Variants in DIS3L observed in about 807,000 individuals in gnomAD.
DIS3L encodes the protein DIS3 like exosome 3'-5' exoribonuclease, also known as DIS3-like exonuclease 1.
Under a neutral mutation model 120.3 loss-of-function variants are expected in DIS3L, and 100 were observed. The ratio of observed to expected loss-of-function variants is 0.83; its 90% confidence interval spans 0.71 to 0.98. DIS3L has a LOEUF of 0.98. Ranked by LOEUF, DIS3L falls within the 50% of genes least tolerant of loss-of-function variation. DIS3L has a pLI of 0.00. For missense variants in DIS3L, 1,196 were observed against 1,314.2 expected (o/e 0.91, Z 1.39); for synonymous variants, 426 against 470.6 (o/e 0.91, Z 1.23).
intron 2 of DIS3L, among the ~76,000 whole-genome samples, chr15:66,304,939 T>C (rs977146082): frequency 6.6e-6 from 1 of 150,986 alleles, no homozygotes; most frequent in Middle Eastern, 3.2e-3. Flanking sequence ...TAAGTTGCTA[T>C]TTATGATTCT....
At chr15:66,293,565 G>C (rs943535236), upstream of DIS3L, 2 of 1,408,318 alleles carry the variant, frequency 1.4e-6, no homozygotes, top group African/African-American at 3.0e-5. Flanking sequence ...CGCCGCGCCC[G>C]CCACTCCGCG....
In DIS3L at chr15:66,318,698, A is replaced by C. The variant is rs540703484; in HGVS notation, c.1164+80A>C. 19 of 1,417,610 alleles carry C rather than the reference A, an allele frequency of 1.3e-5. No individual in the cohort carries two copies. The East Asian group carries it at 4.0e-4, about 30-fold the overall frequency. The allele number at this position is 1,417,610 out of a possible 1,614,324, so 87.8% of individuals were successfully genotyped here. A position where few individuals can be genotyped will look rare whatever the true frequency, so the allele number is the denominator to read the frequency against. On this transcript the variant is annotated intron_variant, in intron 8 of 16. Transcript: ENST00000319212. ...TACCAGCTTTTTAGCAGTACCAGAA[A>C]GCATTGTTAATTCCTTTGCATATAA...
chr15:66,307,552 T>G (rs953585917), intron 3 of DIS3L, among the ~76,000 whole-genome samples: 1 of 152,132 alleles, frequency 6.6e-6, no homozygotes, highest in Non-Finnish European at 1.5e-5. Context: ...TCCACTTGTC[T>G]TGGCCTCCCA....
chr15:66,327,425 T>G (rs568351101), intron 12 of DIS3L, among the ~76,000 whole-genome samples: 25 of 152,184 alleles, frequency 1.6e-4, no homozygotes, highest in Non-Finnish European at 3.5e-4. Context: ...ACATTTTTAC[T>G]CCCTATCTCT....
At chr15:66,323,876 A>G (rs747390913) in intron 11 of DIS3L, among the ~76,000 whole-genome samples, 1 of 152,156 alleles carries the variant, frequency 6.6e-6, no homozygotes, top group Admixed American at 6.5e-5. Flanking sequence ...CTGAGAACAA[A>G]TGTATGTAGC....
chr15:66,308,690 G>C lies in DIS3L; in HGVS notation c.423-19G>C, dbSNP rs2092724925. 1 of 1,603,336 alleles carries C rather than the reference G, an allele frequency of 6.2e-7. No individual in the cohort carries two copies. Among genetic ancestry groups the C allele is most frequent in the African/African-American group, 1.3e-5 (1 of 74,764 alleles). Reference sequence around the variant, plus strand: ...GTTTGTCTGCCTGGGGAGAGCTCATGTGCCCTTTGCTTTTCCAGGAGCATA... The same window carrying C: ...GTTTGTCTGCCTGGGGAGAGCTCATCTGCCCTTTGCTTTTCCAGGAGCATA... On this transcript the variant is annotated intron_variant, in intron 3 of 16. Transcript: ENST00000319212.
intron 9 of DIS3L, among the ~76,000 whole-genome samples, chr15:66,321,274 T>G (rs1056983536): frequency 6.6e-6 from 1 of 152,368 alleles, no homozygotes; most frequent in South Asian, 2.1e-4. Context: ...ATCTTGTGTA[T>G]TATTCTTGAA....
chr15:66,293,864 CG>C, intron 1 of DIS3L, 129 bp downstream of exon 1: 1 of 899,480 alleles, frequency 1.1e-6, no homozygotes, highest in Non-Finnish European at 1.2e-6. Context: ...GGCCTGCGCC[CG>C]CTCGCCGGCC....
intron 12 of DIS3L, among the ~76,000 whole-genome samples, chr15:66,327,338 T>G (rs991240539): frequency 6.6e-6 from 1 of 152,222 alleles, no homozygotes; most frequent in African/African-American, 2.4e-5. Context: ...TCAGTACTTT[T>G]AAAATGCAGC....
chr15:66,330,548 C>T (rs186587538), intron 14 of DIS3L: 1 of 984,882 alleles, frequency 1.0e-6, no homozygotes, highest in Admixed American at 6.1e-5. Flanking sequence ...AATGTTGTAG[C>T]ACTAGCCATG....
At position 66,293,690 on chromosome 15, in the gene DIS3L, C is replaced by T; in HGVS notation, c.94C>T (p.Pro32Ser). The change falls in exon 1 of 17, where the codon CCC becomes TCC. Residue 32 changes from proline (P) to serine (S), a missense_variant. Physicochemically the swap from Pro to Ser is moderately conservative, Grantham distance 74. Coordinates refer to ENST00000319212, the MANE Select transcript of DIS3L (RefSeq NM_001143688.3). ...VREHYLRPCVPCHSPLCPQPA... is the reference protein window; with the variant it reads ...VREHYLRPCVSCHSPLCPQPA... ...CGAGCACTACCTGCGGCCCTGCGTG[C>T]CCTGCCACAGCCCGCTCTGCCCGCA... The T allele has an allele frequency of 1.4e-6, 2 of 1,397,288 alleles. No individual in the cohort carries two copies. The highest frequency in any genetic ancestry group is 1.5e-5 in the South Asian group (1 of 68,960). The allele number at this position is 1,397,288 out of a possible 1,614,324, so 86.6% of individuals were successfully genotyped here.
intron 2 of DIS3L, among the ~76,000 whole-genome samples, chr15:66,298,179 CAAAAAAAAAA>C (rs11419116): frequency 6.5e-5 from 3 of 45,978 alleles, no homozygotes; most frequent in South Asian, 2.7e-3. Flanking sequence ...GACTCCGTCT[CAAAAAAAAAA>C]AAAAAAAAAA....
chr15:66,294,480 G>T (rs1453040621), intron 1 of DIS3L: 1 of 986,376 alleles, frequency 1.0e-6, no homozygotes, highest in East Asian at 1.1e-4. Flanking sequence ...TGGCTAACCA[G>T]CTCTCAGATG....
intron 4 of DIS3L, among the ~76,000 whole-genome samples, chr15:66,310,271 G>A (rs191260259): frequency 5.9e-5 from 9 of 152,284 alleles, no homozygotes; most frequent in Admixed American, 2.6e-4. Context: ...TTCCAGGGGC[G>A]CTGGATATTA....
rs371557239 is a variant in DIS3L, at chr15:66,333,237, A to G, written c.3090A>G (p.Gly1030=). The change falls in exon 17 of 17, where the codon GGA becomes GGG. Residue 1030 remains glycine, a synonymous_variant. Transcript: ENST00000319212. ...EEYQEYRQTK[G]RSLYTLLEEI... ...ATCAAGAATATCGCCAAACAAAGGG[A>G]AGGAGCCTATACACACTTCTAGAGG... 1.7e-5 allele frequency: 27 copies of G among 1,613,992 alleles called. No homozygotes were observed. The highest frequency in any genetic ancestry group is 2.2e-5 in the Non-Finnish European group (26 of 1,180,032).
intron 2 of DIS3L, among the ~76,000 whole-genome samples, chr15:66,304,708 C>A (rs1163458873): frequency 6.6e-6 from 1 of 151,886 alleles, no homozygotes; most frequent in Non-Finnish European, 1.5e-5. Context: ...TGAGACCAGC[C>A]TGGCAAACAT....
In DIS3L at chr15:66,326,084, G is replaced by C; in HGVS notation, c.1921G>C (p.Ala641Pro). 1 of 1,614,216 alleles carries C rather than the reference G, an allele frequency of 6.2e-7. No individual in the cohort carries two copies. Among genetic ancestry groups the C allele is most frequent in the East Asian group, 2.2e-5 (1 of 44,878 alleles). ...KLTDIARHVR[A>P]KRDGCGALEL... ...GACCGACATAGCTCGCCATGTCAGAGCTAAACGAGACGGATGTGGTGCCCT... is the reference window on the plus strand; with the variant it reads ...GACCGACATAGCTCGCCATGTCAGACCTAAACGAGACGGATGTGGTGCCCT... Residue 641 changes from alanine (A) to proline (P), a missense_variant, in exon 12 of 17, where the codon GCT becomes CCT. Transcript: ENST00000319212.
chr15:66,326,346 G>A lies in DIS3L; in HGVS notation c.2183G>A (p.Gly728Asp), dbSNP rs1386088155. Residue 728 changes from glycine (G) to aspartate (D), a missense_variant, in exon 12 of 17, where the codon GGC becomes GAC. Physicochemically the swap from Gly to Asp is moderately conservative, Grantham distance 94. Transcript: ENST00000319212. Reference sequence around the variant, plus strand: ...CTCCGGGAATGTGCTAAAGCCAAAGGCTTCTTCATAGATACACGGTATTCC... The same window carrying A: ...CTCCGGGAATGTGCTAAAGCCAAAGACTTCTTCATAGATACACGGTATTCC... ...SELRECAKAK[G>D]FFIDTRSNKT... The A allele has an allele frequency of 6.2e-7, 1 of 1,614,046 alleles. No individual in the cohort carries two copies. Among genetic ancestry groups the A allele is most frequent in the Admixed American group, 1.7e-5 (1 of 60,006 alleles).
At chr15:66,326,557 G>T in intron 12 of DIS3L, 193 bp downstream of exon 12, 2 of 650,496 alleles carry the variant, frequency 3.1e-6, no homozygotes, top group South Asian at 4.6e-5. Context: ...AGTTTATTTA[G>T]GCATAATTTT....
Sources: allele counts gnomAD v4.1 joint callset (sites outside exome capture counted in the v4.1 genomes callset), GRCh38; gene constraint gnomAD v4.1.1; transcripts MANE v1.5; gene names NCBI Gene and HGNC (gene_info 2026-07-23, HGNC 2026-07-21).